Variants in CFAP43 observed in about 807,000 individuals in gnomAD.
The protein encoded by CFAP43 is cilia- and flagella-associated protein 43.
CFAP43 carries 155 observed loss-of-function variants against 218.9 expected under a neutral mutation model. The observed-to-expected ratio is 0.71, with a 90% CI of 0.62 to 0.81. The LOEUF is 0.81. CFAP43 is among the 30% of genes least tolerant of loss of function. The pLI is 0.00. For synonymous variants in CFAP43, 645 were observed against 681.3 expected, an observed-to-expected ratio of 0.95 and a Z score of 0.83; for missense variants, 1,778 against 1,954.3, an observed-to-expected ratio of 0.91 and a Z score of 1.70.
At chr10:104,227,932 C>T (rs992696346) in intron 2 of CFAP43, among the ~76,000 whole-genome samples, 4 of 149,948 alleles carry the variant, frequency 2.7e-5, no homozygotes, top group Admixed American at 1.3e-4. Context: ...CTGCAACCTC[C>T]GCCTCCCGGG....
At chr10:104,164,356 C>T in intron 23 of CFAP43, 56 bp from the exon 24 acceptor site, 1 of 1,259,294 alleles carries the variant, frequency 7.9e-7, no homozygotes, top group Admixed American at 2.3e-5. Flanking sequence ...TTACTGGTAA[C>T]ATGATCCCAC....
At chr10:104,201,996 A>T (rs1016291593) in intron 8 of CFAP43, among the ~76,000 whole-genome samples, 2 of 152,224 alleles carry the variant, frequency 1.3e-5, no homozygotes, top group Non-Finnish European at 2.9e-5. Flanking sequence ...CTTTTTCTAT[A>T]AATAGGCTGA....
intron 14 of CFAP43, 44 bp downstream of exon 14, chr10:104,187,276 T>C (rs756374701): frequency 1.3e-6 from 2 of 1,521,818 alleles, no homozygotes; most frequent in Non-Finnish European, 1.8e-6. Context: ...TGTATCAATC[T>C]TGATTGCTAA....
chr10:104,167,788 G>A, intron 21 of CFAP43, 51 bp from the exon 22 acceptor site: 1 of 1,398,810 alleles, frequency 7.1e-7, no homozygotes, highest in Non-Finnish European at 9.9e-7. Flanking sequence ...GTATAATTGT[G>A]TGTATCTGGG....
At chr10:104,216,905 G>C (rs1256202605) in intron 3 of CFAP43, among the ~76,000 whole-genome samples, 1 of 152,108 alleles carries the variant, frequency 6.6e-6, no homozygotes, top group Non-Finnish European at 1.5e-5. Context: ...AACCCTCCCT[G>C]CCTAGTGTCC....
intron 4 of CFAP43, 48 bp downstream of exon 4, chr10:104,214,211 T>C (rs1420768291): frequency 6.6e-7 from 1 of 1,511,148 alleles, no homozygotes; most frequent in Admixed American, 2.3e-5. Flanking sequence ...ATTACACGAA[T>C]GCAAACAAAG....
At chr10:104,205,212 C>CAAAAAAAAAAAAAAAAAAAAAAA (rs71022723) in intron 7 of CFAP43, among the ~76,000 whole-genome samples, 3 of 56,570 alleles carry the variant, frequency 5.3e-5, no homozygotes, top group East Asian at 5.0e-4. Context: ...GACTCCGTCT[C>CAAAAAAAAAAAAAAAAAAAAAAA]AAAAAAAAAA....
intron 33 of CFAP43, among the ~76,000 whole-genome samples, chr10:104,141,606 A>G (rs1296155656): frequency 6.6e-6 from 1 of 152,202 alleles, no homozygotes. Flanking sequence ...GTGAGGCTCC[A>G]TTTCAAAATA....
At chr10:104,206,768 A>G (rs1019848148) in intron 6 of CFAP43, among the ~76,000 whole-genome samples, 5 of 152,220 alleles carry the variant, frequency 3.3e-5, no homozygotes, top group Non-Finnish European at 7.3e-5. Flanking sequence ...CTACTGCTCA[A>G]TGAGTGGACA....
At chr10:104,144,795 G>A (rs1252228145) in intron 31 of CFAP43, among the ~76,000 whole-genome samples, 3 of 152,198 alleles carry the variant, frequency 2.0e-5, no homozygotes, top group Admixed American at 6.5e-5. Context: ...ACATTTGATT[G>A]AAAACTGGAA....
At chr10:104,207,947 G>A in intron 5 of CFAP43, 123 bp from the exon 6 acceptor site, 2 of 904,464 alleles carry the variant, frequency 2.2e-6, no homozygotes, top group South Asian at 2.2e-5. Context: ...GAAAACATAG[G>A]AACATTGAGC....
intron 35 of CFAP43, 22 bp from the exon 36 acceptor site, chr10:104,132,218 T>G: frequency 6.6e-7 from 1 of 1,506,746 alleles, no homozygotes; most frequent in South Asian, 1.2e-5. Context: ...AAAAAAAACA[T>G]GTAAGGATAT....
At chr10:104,229,212 C>T (rs1452697592) in intron 2 of CFAP43, among the ~76,000 whole-genome samples, 2 of 152,158 alleles carry the variant, frequency 1.3e-5, no homozygotes, top group African/African-American at 2.4e-5. Flanking sequence ...CTGACTTCAT[C>T]CAAACACTTA....
intron 34 of CFAP43, among the ~76,000 whole-genome samples, chr10:104,137,439 T>C (rs1248668480): frequency 6.6e-6 from 1 of 152,132 alleles, no homozygotes; most frequent in Non-Finnish European, 1.5e-5. Context: ...AGATTAGTGG[T>C]GTCCAGGGGC....
chr10:104,198,811 C>T (rs1051656775), intron 8 of CFAP43, among the ~76,000 whole-genome samples: 8 of 151,726 alleles, frequency 5.3e-5, no homozygotes, highest in African/African-American at 7.3e-5. Context: ...CCACTGTGCT[C>T]GGCTAATTTT....
At chr10:104,183,635 C>T (rs1192474749) in intron 16 of CFAP43, among the ~76,000 whole-genome samples, 2 of 152,010 alleles carry the variant, frequency 1.3e-5, no homozygotes, top group East Asian at 1.9e-4. Flanking sequence ...ATGATCCACC[C>T]GCCTCAGCCT....
In CFAP43 at chr10:104,230,825, AG is replaced by A. The variant is rs1388894017; in HGVS notation, c.83del (p.Pro28LeufsTer21). 6 of 1,612,076 alleles carry A rather than the reference AG, an allele frequency of 3.7e-6. No homozygotes were observed. Among genetic ancestry groups the A allele is most frequent in the Non-Finnish European group, 5.1e-6 (6 of 1,179,368 alleles). On this transcript the variant is annotated frameshift_variant, in exon 2 of 38. Transcript: ENST00000357060. LOFTEE classifies it high-confidence loss of function. ...SLSVRWVQGFPKQNVHFVNDN... is the reference protein window; with the variant it reads ...SLSVRWVQGFXKQNVHFVNDN... ...CGTTGACAAAATGAACATTCTGCTTAGGGAATCCTTGCACCCATCTTTGGGA... is the reference window on the plus strand; with the variant it reads ...CGTTGACAAAATGAACATTCTGCTTAGGAATCCTTGCACCCATCTTTGGGA...
intron 25 of CFAP43, 78 bp downstream of exon 25, chr10:104,162,239 G>A (rs2088914077): frequency 7.1e-7 from 1 of 1,406,498 alleles, no homozygotes. Context: ...TGTGTTGATG[G>A]GTTATTAAAC....
At chr10:104,138,842 A>G (rs1005961277) in intron 34 of CFAP43, among the ~76,000 whole-genome samples, 6 of 152,230 alleles carry the variant, frequency 3.9e-5, no homozygotes, top group African/African-American at 7.2e-5. Flanking sequence ...TGGCAAATGT[A>G]CCATACTGAT....
Sources: allele counts gnomAD v4.1 joint callset (sites outside exome capture counted in the v4.1 genomes callset), GRCh38; gene constraint gnomAD v4.1.1; transcripts MANE v1.5; gene names NCBI Gene and HGNC (gene_info 2026-07-23, HGNC 2026-07-21).